The following HMGN5 variants were observed in gnomAD, a reference collection of about 807,000 sequenced individuals.
HMGN5 encodes high mobility group nucleosome binding domain 5, also known as high mobility group nucleosome-binding domain-containing protein 5.
In HMGN5, 4 loss-of-function variants were observed where a neutral mutation model predicts 9.5. The observed-to-expected ratio is 0.42, with a 90% CI of 0.21 to 0.96. The LOEUF (loss-of-function observed/expected upper bound fraction) is 0.96. HMGN5 is among the 40% of genes least tolerant of loss of function. HMGN5 has a pLI of 0.30. For missense variants in HMGN5, 192 were observed against 187.5 expected (o/e 1.02, Z -0.14); for synonymous variants, 55 against 57.1 (o/e 0.96, Z 0.16).
chrX:81,147,992 C>T (rs758964538), intron 1 of HMGN5, among the ~76,000 whole-genome samples: 2 of 111,654 alleles, frequency 1.8e-5, no homozygotes, highest in South Asian at 7.5e-4. Flanking sequence ...AGGACACAAA[C>T]AAATGGAAAA....
chrX:81,186,872 T>C (rs760184078), intron 1 of HMGN5, among the ~76,000 whole-genome samples: 1 of 111,508 alleles, frequency 9.0e-6, no homozygotes, highest in East Asian at 2.8e-4. Context: ...TTTTGCCGTA[T>C]CTCATAGATT....
Position 81,188,787 on chromosome X carries a change from C to T in HMGN5, c.-124+12950G>A, listed in dbSNP as rs954076742. 2.7e-5 allele frequency among the ~76,000 whole-genome samples: 3 copies of T among 110,883 alleles called. No homozygotes were observed. The Admixed American group carries it at 2.9e-4, about 11-fold the overall frequency. Reference sequence around the variant, plus strand: ...TGATGGTTTCCAGCTTCATCCATGTCCCTACAAAGGACATGAACTCATCCT... The same window carrying T: ...TGATGGTTTCCAGCTTCATCCATGTTCCTACAAAGGACATGAACTCATCCT... On this transcript the variant is annotated intron_variant, in intron 1 of 6. Coordinates refer to ENST00000358130, the MANE Select transcript of HMGN5 (RefSeq NM_030763.3).
At chrX:81,120,640 A>G (rs772591810) in intron 2 of HMGN5, among the ~76,000 whole-genome samples, 1 of 111,533 alleles carries the variant, frequency 9.0e-6, no homozygotes, top group East Asian at 2.8e-4. Flanking sequence ...AAACAATCAT[A>G]ATGTCTTAGC....
intron 1 of HMGN5, among the ~76,000 whole-genome samples, chrX:81,176,498 A>G (rs975627362): frequency 2.7e-5 from 3 of 111,247 alleles, no homozygotes; most frequent in Non-Finnish European, 5.6e-5. Context: ...GAACTAAAGG[A>G]GCATGTTTGA....
At position 81,114,979 on chromosome X, in the gene HMGN5, T is replaced by C. The variant is rs2075249001; in HGVS notation, c.519A>G (p.Lys173=). Residue 173 remains lysine (K), a synonymous_variant, in exon 7 of 7, where the codon AAA becomes AAG. Coordinates refer to ENST00000358130, the MANE Select transcript of HMGN5 (RefSeq NM_030763.3). ...GNEKGEDAKE[K]EDGKKGEDGK... is the part of the protein sequence containing the mutation. ...CGTCTTCACCTTTTTTTCCATCTTCTTTCTCTTTTGCATCTTCTCCTTTCT... is the reference window on the plus strand; with the variant it reads ...CGTCTTCACCTTTTTTTCCATCTTCCTTCTCTTTTGCATCTTCTCCTTTCT... 1.7e-6 allele frequency: 2 copies of C among 1,155,621 alleles called. No homozygotes were observed. The highest frequency in any genetic ancestry group is 2.3e-6 in the Non-Finnish European group (2 of 870,020).
intron 1 of HMGN5, among the ~76,000 whole-genome samples, chrX:81,186,135 T>A (rs1269926242): frequency 2.7e-5 from 3 of 112,003 alleles, no homozygotes; most frequent in Non-Finnish European, 5.7e-5. Context: ...ATAGAATGAA[T>A]TTAAAAGTGT....
In HMGN5 at chrX:81,114,653, A is replaced by T. The variant is rs1170844234; in HGVS notation, c.845T>A (p.Val282Asp). 1.8e-6 allele frequency: 2 copies of T among 1,128,606 alleles called. No homozygotes were observed. The highest frequency in any genetic ancestry group is 2.3e-6 in the Non-Finnish European group (2 of 859,278). The allele number at this position is 1,128,606 out of a possible 1,213,427, so 93.0% of individuals were successfully genotyped here. Residue 282 changes from valine (V) to aspartate (D), a missense_variant, in exon 7 of 7, where the codon GTT (valine) becomes GAT (aspartate). Physicochemically the swap from Val to Asp is radical, Grantham distance 152. Coordinates refer to ENST00000358130, the MANE Select transcript of HMGN5 (RefSeq NM_030763.3). Reference protein sequence around the residue: ...DGKKEEPQSIV With the variant: ...DGKKEEPQSID ...ATGAAACTACATAGGGCAGTTTTAAACAATACTCTGTGGCTCCTCTTTTTT... is the reference window on the plus strand; with the variant it reads ...ATGAAACTACATAGGGCAGTTTTAATCAATACTCTGTGGCTCCTCTTTTTT...
In HMGN5 at chrX:81,114,992, T is replaced by A. The variant is rs1486450812; in HGVS notation, c.506A>T (p.Asp169Val). The part of the protein sequence containing the change: ...EDKNGNEKGE[D>V]AKEKEDGKKG... ...TTTTCCATCTTCTTTCTCTTTTGCA[T>A]CTTCTCCTTTCTCATTTCCATTTTT... Residue 169 changes from aspartate to valine, a missense_variant, in exon 7 of 7, where the codon GAT becomes GTT. By Grantham distance (152) the Asp-to-Val change is radical (BLOSUM62 -3). Transcript: ENST00000358130. 1.7e-6 allele frequency: 2 copies of A among 1,153,157 alleles called. No homozygotes were observed. Among genetic ancestry groups the A allele is most frequent in the Admixed American group, 2.8e-5 (1 of 36,310 alleles).
chrX:81,137,827 A>T (rs1370518474), intron 1 of HMGN5, among the ~76,000 whole-genome samples: 1 of 111,602 alleles, frequency 9.0e-6, no homozygotes, highest in Non-Finnish European at 1.9e-5. Flanking sequence ...ACAAAAACAG[A>T]TTGCACAAGT....
At chrX:81,173,069 C>T (rs2075431060) in intron 1 of HMGN5, among the ~76,000 whole-genome samples, 1 of 110,918 alleles carries the variant, frequency 9.0e-6, no homozygotes, top group South Asian at 3.7e-4. Flanking sequence ...ATATACAAAA[C>T]TTTTTATTGG....
At chrX:81,186,142 G>T (rs1230915434) in intron 1 of HMGN5, among the ~76,000 whole-genome samples, 1 of 111,562 alleles carries the variant, frequency 9.0e-6, no homozygotes, top group African/African-American at 3.3e-5. Context: ...GAATTTAAAA[G>T]TGTCCCCTCT....
chrX:81,139,214 G>A (rs2075320767), intron 1 of HMGN5, among the ~76,000 whole-genome samples: 1 of 112,569 alleles, frequency 8.9e-6, no homozygotes, highest in Admixed American at 9.4e-5. Context: ...TTCATATCAT[G>A]TTAAGGTTTA....
At chrX:81,178,954 A>C (rs2075451617) in intron 1 of HMGN5, among the ~76,000 whole-genome samples, 1 of 111,779 alleles carries the variant, frequency 8.9e-6, no homozygotes, top group Admixed American at 9.5e-5. Context: ...CAAAAACCAC[A>C]TGGTTATTTC....
chrX:81,134,481 G>A (rs191092587), intron 1 of HMGN5, among the ~76,000 whole-genome samples: 1 of 110,993 alleles, frequency 9.0e-6, no homozygotes. Flanking sequence ...GTATGTTTTT[G>A]TGTATATCCA....
intron 1 of HMGN5, among the ~76,000 whole-genome samples, chrX:81,154,508 G>A (rs918230740): frequency 9.0e-6 from 1 of 111,087 alleles, no homozygotes; most frequent in African/African-American, 3.3e-5. Flanking sequence ...AACAAACGTG[G>A]ACAAATGGGA....
chrX:81,129,359 A>G (rs1160460279), intron 1 of HMGN5, among the ~76,000 whole-genome samples: 1 of 110,004 alleles, frequency 9.1e-6, no homozygotes, highest in South Asian at 3.9e-4. Context: ...GCTTTTTTTG[A>G]TTTGCATATC....
intron 1 of HMGN5, among the ~76,000 whole-genome samples, chrX:81,151,023 T>C (rs1343539157): frequency 1.8e-5 from 2 of 111,916 alleles, no homozygotes; most frequent in South Asian, 3.7e-4. Flanking sequence ...CTGAATTCTA[T>C]GAAAAATTTA....
At chrX:81,180,219 A>T (rs1424777926) in intron 1 of HMGN5, among the ~76,000 whole-genome samples, 1 of 111,790 alleles carries the variant, frequency 8.9e-6, no homozygotes. Context: ...TAATTAAACT[A>T]AAGAGCTTTT....
intron 3 of HMGN5, 111 bp downstream of exon 3, chrX:81,119,676 TG>T: frequency 1.7e-6 from 1 of 597,760 alleles, no homozygotes; most frequent in East Asian, 3.5e-5. Context: ...TATACCATAT[TG>T]GAACTCATAT....
Sources: allele counts gnomAD v4.1 joint callset (sites outside exome capture counted in the v4.1 genomes callset), GRCh38; gene constraint gnomAD v4.1.1; transcripts MANE v1.5; gene names NCBI Gene and HGNC (gene_info 2026-07-23, HGNC 2026-07-21).